The following ALMS1 variants were observed in gnomAD, a reference collection of about 807,000 sequenced individuals.
ALMS1 encodes the protein ALMS1 centrosome and basal body associated protein.
A neutral mutation model predicts 352.2 loss-of-function variants in ALMS1; 271 were observed. The ratio of observed to expected loss-of-function variants is 0.77; its 90% confidence interval spans 0.70 to 0.85. ALMS1 has a LOEUF of 0.85. Among genes scored for constraint, ALMS1 ranks in the 40% least tolerant of loss-of-function variants. The pLI is 0.00. For missense variants in ALMS1, 5,445 were observed against 4,870.7 expected, an observed-to-expected ratio of 1.12 and a Z score of -3.51; for synonymous variants, 1,865 against 1,761.2, an observed-to-expected ratio of 1.06 and a Z score of -1.48.
chr2:73,562,382 A>G (rs1478689943), intron 15 of ALMS1, among the ~76,000 whole-genome samples: 1 of 152,106 alleles, frequency 6.6e-6, no homozygotes. Flanking sequence ...TTTTGTATAT[A>G]GTGTTCAATA....
intron 15 of ALMS1, among the ~76,000 whole-genome samples, chr2:73,565,211 T>G (rs1331895078): frequency 1.3e-5 from 2 of 152,182 alleles, no homozygotes; most frequent in African/African-American, 4.8e-5. Context: ...AAATGCCTGA[T>G]TCTCAGACTG....
chr2:73,405,806 C>T (rs994060008), intron 1 of ALMS1, among the ~76,000 whole-genome samples: 6 of 152,030 alleles, frequency 3.9e-5, no homozygotes, highest in Admixed American at 6.6e-5. Context: ...TTACTTCTGT[C>T]GTGACCCATT....
At chr2:73,538,861 T>G (rs1384845711) in intron 12 of ALMS1, among the ~76,000 whole-genome samples, 2 of 152,156 alleles carry the variant, frequency 1.3e-5, no homozygotes, top group African/African-American at 4.8e-5. Context: ...TTGCCGAGGC[T>G]TGAGTAGGTA....
rs770974409 is a variant in ALMS1, at chr2:73,489,911, A to C, written c.7952A>C (p.His2651Pro). The C allele has an allele frequency of 6.2e-7, 1 of 1,614,226 alleles. No homozygotes were observed. The change falls in exon 10 of 23, where the codon CAT (histidine) becomes CCT (proline). Residue 2651 changes from histidine to proline, a missense_variant. His to Pro is a moderately conservative substitution (Grantham distance 77, BLOSUM62 -2). Coordinates refer to ENST00000613296, the MANE Select transcript of ALMS1 (RefSeq NM_001378454.1). ...KVWNSLQLKS[H>P]SPFQNFIPDE... ...TGGAATTCCTTGCAGTTAAAAAGTCATTCCCCATTTCAGAACTTTATACCT... is the reference window on the plus strand; with the variant it reads ...TGGAATTCCTTGCAGTTAAAAAGTCCTTCCCCATTTCAGAACTTTATACCT...
Position 73,572,744 on chromosome 2 carries a change from C to T in ALMS1, c.10867C>T (p.Leu3623=), listed in dbSNP as rs769707217. 7 of 1,614,008 alleles carry T rather than the reference C, an allele frequency of 4.3e-6. No homozygotes were observed. The highest frequency in any genetic ancestry group is 1.7e-6 in the Non-Finnish European group (2 of 1,180,010). The change falls in exon 16 of 23, where the codon CTG becomes TTG. Residue 3623 remains leucine, a synonymous_variant. Coordinates refer to ENST00000613296, the MANE Select transcript of ALMS1 (RefSeq NM_001378454.1). Reference sequence around the variant, plus strand: ...GCCTGAGTTGGGTGACAGGAAAGAACTGTCCTTGGTGGACCGACTTGATCG... The same window carrying T: ...GCCTGAGTTGGGTGACAGGAAAGAATTGTCCTTGGTGGACCGACTTGATCG... ...RQPELGDRKE[L]SLVDRLDRLA...
chr2:73,539,247 C>T (rs1239247553), intron 12 of ALMS1, among the ~76,000 whole-genome samples: 1 of 152,214 alleles, frequency 6.6e-6, no homozygotes, highest in Admixed American at 6.5e-5. Context: ...GTTCTGCAGC[C>T]TCTGCTGCTG....
chr2:73,604,703 T>C (rs1461394733), intron 21 of ALMS1, among the ~76,000 whole-genome samples: 1 of 152,138 alleles, frequency 6.6e-6, no homozygotes, highest in African/African-American at 2.4e-5. Context: ...GTCTGTGGAG[T>C]CCTGGAAGTT....
chr2:73,518,167 T>C (rs916352929), intron 10 of ALMS1, among the ~76,000 whole-genome samples: 1 of 151,890 alleles, frequency 6.6e-6, no homozygotes, highest in Non-Finnish European at 1.5e-5. Flanking sequence ...CCTCTTTGTG[T>C]CCATGAGTTC....
Position 73,602,222 on chromosome 2 carries a change from G to A in ALMS1, c.12152G>A (p.Arg4051His), listed in dbSNP as rs750598025. Residue 4051 changes from arginine (R) to histidine (H), a missense_variant, in exon 20 of 23, where the codon CGC becomes CAC. Transcript: ENST00000613296. ...LQFHRPDFISRSGERIKRLKL... is the reference protein window; with the variant it reads ...LQFHRPDFISHSGERIKRLKL... ...TTTCACAGACCTGACTTCATCTCCC[G>A]CTCTGGGGAGCGGATAAAGCGCCTG... The A allele has an allele frequency of 2.2e-5, 36 of 1,613,666 alleles. No individual in the cohort carries two copies. In the African/African-American group the frequency reaches 2.4e-4, roughly 11 times the overall value.
At chr2:73,478,457 A>C (rs931190791) in intron 9 of ALMS1, among the ~76,000 whole-genome samples, 18 of 152,046 alleles carry the variant, frequency 1.2e-4, no homozygotes, top group African/African-American at 4.3e-4. Flanking sequence ...GTATAAATCT[A>C]CTCATGCATA....
rs1558624890 is a variant in ALMS1, at chr2:73,386,113, CG to C, written c.246del (p.His83ThrfsTer30). 1 of 1,584,454 alleles carries C rather than the reference CG, an allele frequency of 6.3e-7. No homozygotes were observed. The highest frequency in any genetic ancestry group is 8.6e-7 in the Non-Finnish European group (1 of 1,166,064). On this transcript the variant is annotated frameshift_variant, in exon 1 of 23. Coordinates refer to ENST00000613296, the MANE Select transcript of ALMS1 (RefSeq NM_001378454.1). LOFTEE classifies it high-confidence loss of function. ...EDEEAKAWLQ[A>X]HPGRILPPLS... Reference sequence around the variant, plus strand: ...GAGGAGGCCAAGGCCTGGCTGCAGGCGCACCCCGGCAGGATTTTGCCTCCGC... The same window carrying C: ...GAGGAGGCCAAGGCCTGGCTGCAGGCCACCCCGGCAGGATTTTGCCTCCGC...
At chr2:73,466,239 G>T (rs1672340540) in intron 9 of ALMS1, among the ~76,000 whole-genome samples, 2 of 152,090 alleles carry the variant, frequency 1.3e-5, no homozygotes, top group Admixed American at 6.5e-5. Flanking sequence ...CAACCCAAAT[G>T]TCCAAGAATG....
intron 15 of ALMS1, among the ~76,000 whole-genome samples, chr2:73,562,504 G>A (rs889578324): frequency 1.2e-4 from 19 of 152,190 alleles, no homozygotes; most frequent in Non-Finnish European, 2.6e-4. Flanking sequence ...GGGACAGGCA[G>A]AGGACAGGGA....
chr2:73,482,259 C>T (rs1441158730), intron 9 of ALMS1, among the ~76,000 whole-genome samples: 2 of 152,126 alleles, frequency 1.3e-5, no homozygotes, highest in Non-Finnish European at 1.5e-5. Flanking sequence ...CCCATCAATA[C>T]CTAATCTATT....
chr2:73,579,063 C>CTTTTTTTTTTTTTTTTTTTTTTTTTTTT (rs372240184), intron 16 of ALMS1, among the ~76,000 whole-genome samples: 2 of 119,140 alleles, frequency 1.7e-5, no homozygotes, highest in African/African-American at 8.6e-5. Context: ...CTCCTTTATT[C>CTTTTTTTTTTTTTTTTTTTTTTTTTTTT]TTTTTTTATT....
Position 73,399,794 on chromosome 2 carries a change from T to A in ALMS1, c.325-8828T>A, listed in dbSNP as rs765903302. Among the ~76,000 whole-genome samples, 172 of 152,238 alleles carry A rather than the reference T, an allele frequency of 1.1e-3. 1 individual carries two copies. The highest frequency in any genetic ancestry group is 1.1e-3 in the Non-Finnish European group (77 of 68,018). ...GTTGTAGGATTTTTTGTAGATACTC[T>A]ATGTCAAGTTGAGAATATTCCCCTC... On this transcript the variant is annotated intron_variant, in intron 1 of 22. Coordinates refer to ENST00000613296, the MANE Select transcript of ALMS1 (RefSeq NM_001378454.1).
intron 7 of ALMS1, among the ~76,000 whole-genome samples, chr2:73,446,797 G>A (rs534026130): frequency 4.6e-5 from 7 of 152,176 alleles, no homozygotes; most frequent in Non-Finnish European, 8.8e-5. Flanking sequence ...CATCCCTGGG[G>A]AGCTTGTTAG....
chr2:73,608,606 A>G, intron 22 of ALMS1, 32 bp downstream of exon 22: 1 of 1,540,048 alleles, frequency 6.5e-7, no homozygotes, highest in Non-Finnish European at 9.0e-7. Flanking sequence ...AGTGGGATGG[A>G]TCAGGTTTAT....
At position 73,452,612 on chromosome 2, in the gene ALMS1, A is replaced by T. The variant is rs759478895; in HGVS notation, c.6085A>T (p.Thr2029Ser). 1 of 1,614,094 alleles carries T rather than the reference A, an allele frequency of 6.2e-7. No homozygotes were observed. The highest frequency in any genetic ancestry group is 8.5e-7 in the Non-Finnish European group (1 of 1,180,002). The change falls in exon 8 of 23, where the codon ACT (threonine) becomes TCT (serine). Residue 2029 changes from threonine to serine, a missense_variant. By Grantham distance (58) the Thr-to-Ser change is moderately conservative (BLOSUM62 1). Transcript: ENST00000613296. ...YSQIEKPKIS[T>S]VIGPNDQKTP... ...ACAAATAGAGAAGCCCAAGATTTCA[A>T]CTGTGATTGGACCAAATGACCAGAA...
Sources: allele counts gnomAD v4.1 joint callset (sites outside exome capture counted in the v4.1 genomes callset), GRCh38; gene constraint gnomAD v4.1.1; transcripts MANE v1.5; gene names NCBI Gene and HGNC (gene_info 2026-07-23, HGNC 2026-07-21).